Variants in BTBD9 observed in about 807,000 individuals in gnomAD.
BTBD9 encodes BTB domain containing 9.
In BTBD9, 49 loss-of-function variants were observed where a neutral mutation model predicts 64.3. The ratio of observed to expected loss-of-function variants is 0.76; its 90% confidence interval spans 0.61 to 0.97. The LOEUF is 0.97. BTBD9 is among the 50% of genes least tolerant of loss of function. The pLI is 0.00. For missense variants in BTBD9, 598 were observed against 762.1 expected, an observed-to-expected ratio of 0.78 and a Z score of 2.53; for synonymous variants, 260 against 274.7, an observed-to-expected ratio of 0.95 and a Z score of 0.53.
At chr6:38,460,075 C>T (rs1770004516) in intron 6 of BTBD9, among the ~76,000 whole-genome samples, 1 of 152,164 alleles carries the variant, frequency 6.6e-6, no homozygotes, top group Non-Finnish European at 1.5e-5. Flanking sequence ...GAAGTCAATG[C>T]TAATACAATT....
chr6:38,529,182 G>C (rs1348392371), intron 6 of BTBD9, among the ~76,000 whole-genome samples: 1 of 152,192 alleles, frequency 6.6e-6, no homozygotes, highest in Admixed American at 6.5e-5. Flanking sequence ...AAGACCCATT[G>C]CTAAGCTGGC....
intron 6 of BTBD9, among the ~76,000 whole-genome samples, chr6:38,484,285 G>GT (rs1273857261): frequency 1.3e-5 from 2 of 152,156 alleles, no homozygotes; most frequent in Non-Finnish European, 2.9e-5. Context: ...ATCATTAGTT[G>GT]TTTTTTAAAT....
chr6:38,351,626 C>A (rs556644908), intron 6 of BTBD9, among the ~76,000 whole-genome samples: 6 of 150,418 alleles, frequency 4.0e-5, no homozygotes, highest in Admixed American at 4.0e-4. Flanking sequence ...CTCAGCCTCC[C>A]GAGTAGCTGG....
intron 7 of BTBD9, among the ~76,000 whole-genome samples, chr6:38,328,488 G>T (rs949238863): frequency 6.6e-6 from 1 of 151,296 alleles, no homozygotes; most frequent in African/African-American, 2.4e-5. Context: ...ACCAAACCTG[G>T]CAATACCTTG....
Position 38,232,374 on chromosome 6 carries a change from C to T in BTBD9, c.1562+24035G>A, listed in dbSNP as rs1012242465. 2.6e-5 allele frequency among the ~76,000 whole-genome samples: 4 copies of T among 151,978 alleles called. No individual in the cohort carries two copies. The East Asian group carries it at 7.8e-4, about 30-fold the overall frequency. ...CAAGCTCTGCCTCCCGGGTTCACGC[C>T]ATTCTCCTGCCTCAGCTTCCTGAGT... On this transcript the variant is annotated intron_variant, in intron 9 of 10. Transcript: ENST00000481247.
intron 1 of BTBD9, among the ~76,000 whole-genome samples, chr6:38,607,498 A>T (rs1465932517): frequency 2.6e-5 from 4 of 152,164 alleles, no homozygotes; most frequent in Non-Finnish European, 5.9e-5. Flanking sequence ...ATGTGGGTTT[A>T]TGTATGCCAC....
At chr6:38,390,765 CT>C (rs1766375161) in intron 6 of BTBD9, among the ~76,000 whole-genome samples, 2 of 152,216 alleles carry the variant, frequency 1.3e-5, no homozygotes. Flanking sequence ...TTAGTCACTT[CT>C]TTAATACAAT....
At chr6:38,546,262 C>T (rs1774550748) in intron 6 of BTBD9, among the ~76,000 whole-genome samples, 1 of 152,146 alleles carries the variant, frequency 6.6e-6, no homozygotes, top group Non-Finnish European at 1.5e-5. Context: ...AGAATGAGGA[C>T]AAATGCCAAC....
intron 7 of BTBD9, among the ~76,000 whole-genome samples, chr6:38,296,229 C>A (rs1391617222): frequency 6.6e-6 from 1 of 151,986 alleles, no homozygotes; most frequent in Non-Finnish European, 1.5e-5. Context: ...GTCATATATT[C>A]TTGGCCCTTT....
chr6:38,242,739 G>C (rs1764045032), intron 9 of BTBD9, among the ~76,000 whole-genome samples: 1 of 152,152 alleles, frequency 6.6e-6, no homozygotes, highest in African/African-American at 2.4e-5. Flanking sequence ...ACAAATATTA[G>C]ACTGAATCAA....
chr6:38,487,684 G>GGAAAA (rs369133808), intron 6 of BTBD9, among the ~76,000 whole-genome samples: 14,418 of 150,376 alleles, frequency 0.096, 753 homozygotes, highest in Middle Eastern at 0.13. Flanking sequence ...AGAGAAGAAA[G>GGAAAA]GAAAAGAAAA....
intron 7 of BTBD9, among the ~76,000 whole-genome samples, chr6:38,342,527 C>CT (rs1458554468): frequency 7.5e-6 from 1 of 133,860 alleles, no homozygotes; most frequent in Non-Finnish European, 1.5e-5. Flanking sequence ...CAGAGCGAGA[C>CT]TCTGTCTCAA....
chr6:38,172,067 T>A lies in BTBD9; in HGVS notation c.*2918A>T, dbSNP rs1352760872. On this transcript the variant is annotated 3_prime_UTR_variant, in exon 11 of 11. Transcript: ENST00000481247. ...ACCTGTCAGCCTCACCTGCCACCTC[T>A]CTCCATGTTGGCTTGTTGCCCCTGG... is the stretch of plus-strand genomic sequence containing the variant. 6.6e-6 allele frequency: 1 copy of A among 152,006 alleles called. No homozygotes were observed. Among genetic ancestry groups the A allele is most frequent in the Non-Finnish European group, 1.5e-5 (1 of 68,096 alleles). The allele number at this position is 152,006 out of a possible 1,614,324, so 9.4% of individuals were successfully genotyped here.
rs1336130678 is a variant in BTBD9 at position 38,353,304 on chromosome 6, TG to T, written c.1155-8212del. ...TTATTTCATGGTTTAGTTTTCTTTT[TG>T]TTCTTTCCATTTTTTTCAGATTGTA... On this transcript the variant is annotated intron_variant, in intron 6 of 10. Transcript: ENST00000481247. 3.3e-5 allele frequency among the ~76,000 whole-genome samples: 5 copies of T among 152,208 alleles called. No individual in the cohort carries two copies. In the South Asian group the frequency reaches 1.0e-3, roughly 32 times the overall value.
chr6:38,390,979 A>AT (rs1302024517), intron 6 of BTBD9, among the ~76,000 whole-genome samples: 3 of 152,158 alleles, frequency 2.0e-5, no homozygotes, highest in Non-Finnish European at 4.4e-5. Flanking sequence ...GGTCTCCCTA[A>AT]TTTACTCTAT....
intron 6 of BTBD9, among the ~76,000 whole-genome samples, chr6:38,497,929 T>A (rs534268334): frequency 6.6e-6 from 1 of 152,230 alleles, no homozygotes; most frequent in Non-Finnish European, 1.5e-5. Context: ...GCTAGGTTTA[T>A]AGAAAGAGGT....
chr6:38,188,122 G>A (rs1317813555), intron 10 of BTBD9, among the ~76,000 whole-genome samples: 2 of 152,238 alleles, frequency 1.3e-5, no homozygotes, highest in Non-Finnish European at 2.9e-5. Context: ...CAGCCTGGGG[G>A]GCCTGCTTCC....
chr6:38,520,419 C>A (rs1224492959), intron 6 of BTBD9, among the ~76,000 whole-genome samples: 4 of 152,166 alleles, frequency 2.6e-5, no homozygotes, highest in African/African-American at 9.7e-5. Flanking sequence ...CGAGATCACA[C>A]CACTGCACTC....
intron 1 of BTBD9, among the ~76,000 whole-genome samples, chr6:38,638,024 G>C (rs1255820648): frequency 6.6e-6 from 1 of 152,142 alleles, no homozygotes; most frequent in Non-Finnish European, 1.5e-5. Context: ...CCAGTTACCA[G>C]ACATAAAAGT....
Sources: gnomAD v4.1 joint callset for allele counts (sites outside exome capture counted in the v4.1 genomes callset) on GRCh38, gnomAD v4.1.1 for gene constraint, MANE v1.5 for transcripts, NCBI Gene and HGNC (gene_info 2026-07-23, HGNC 2026-07-21) for gene names.